Variants in PIK3R2 observed in about 807,000 individuals in gnomAD.
The protein encoded by PIK3R2 is phosphoinositide-3-kinase regulatory subunit 2.
Under a neutral mutation model 78.5 loss-of-function variants are expected in PIK3R2, and 40 were observed. The observed-to-expected ratio is 0.51, with a 90% CI of 0.40 to 0.66. The LOEUF is 0.66. Among genes scored for constraint, PIK3R2 ranks in the 30% least tolerant of loss-of-function variants. The pLI is 0.00. For synonymous variants in PIK3R2, 473 were observed against 457.7 expected, an observed-to-expected ratio of 1.03 and a Z score of -0.43; for missense variants, 880 against 1,026.6, an observed-to-expected ratio of 0.86 and a Z score of 1.95.
chr19:18,165,175 C>A (rs1317833661), intron 11 of PIK3R2, among the ~76,000 whole-genome samples: 1 of 150,384 alleles, frequency 6.6e-6, no homozygotes, highest in Admixed American at 6.6e-5. Flanking sequence ...CAAGACCAGT[C>A]TGGCCAACAT....
Position 18,160,944 on chromosome 19 carries a change from C to A in PIK3R2, c.441C>A (p.Arg147=), listed in dbSNP as rs1485843999. ...GGCTGGACAGCGAATCTCACTACCGCCCGGAGCTGCCCGCACCGCGTACAG... is the reference window on the plus strand; with the variant it reads ...GGCTGGACAGCGAATCTCACTACCGACCGGAGCTGCCCGCACCGCGTACAG... The part of the protein sequence containing the change: ...RTGLDSESHY[R]PELPAPRTDW... Residue 147 remains arginine, a synonymous_variant, in exon 4 of 16, where the codon CGC becomes CGA. Coordinates refer to ENST00000222254, the MANE Select transcript of PIK3R2 (RefSeq NM_005027.4). 1 of 1,611,834 alleles carries A rather than the reference C, an allele frequency of 6.2e-7. No individual in the cohort carries two copies. The highest frequency in any genetic ancestry group is 2.2e-5 in the East Asian group (1 of 44,842).
chr19:18,168,721 C>T lies in PIK3R2; in HGVS notation c.1809-5C>T. The T allele has an allele frequency of 6.2e-7, 1 of 1,611,784 alleles. No homozygotes were observed. The highest frequency in any genetic ancestry group is 1.1e-5 in the South Asian group (1 of 91,022). On this transcript the variant is annotated splice_region_variant and splice_polypyrimidine_tract_variant and intron_variant, in intron 14 of 15. Coordinates refer to ENST00000222254, the MANE Select transcript of PIK3R2 (RefSeq NM_005027.4). The surrounding 1 kb of genome is among the most constrained non-coding windows in gnomAD (Gnocchi z 4.1). ...GGCCCTCCCCGCCACCGCCCCCCACCCCAGCCAGTACGCACTCATGGAGGA... is the reference window on the plus strand; with the variant it reads ...GGCCCTCCCCGCCACCGCCCCCCACTCCAGCCAGTACGCACTCATGGAGGA...
chr19:18,153,203 C>A lies in PIK3R2; in HGVS notation c.-515C>A. 6.5e-6 allele frequency: 1 copy of A among 153,896 alleles called. No individual in the cohort carries two copies. The highest frequency in any genetic ancestry group is 1.8e-4 in the South Asian group (1 of 5,622). 9.5% of individuals were successfully genotyped at this position (153,896 alleles called of 1,614,324 possible). ...GTGGCGGCGGCGGAGGCGGGGATCC[C>A]GCGGCTGCGGCGACGGTGGCCGCGG... On this transcript the variant is annotated 5_prime_UTR_variant, in exon 1 of 16. Coordinates refer to ENST00000222254, the MANE Select transcript of PIK3R2 (RefSeq NM_005027.4).
chr19:18,165,013 A>T (rs906886833), intron 11 of PIK3R2, among the ~76,000 whole-genome samples: 1 of 148,410 alleles, frequency 6.7e-6, no homozygotes, highest in East Asian at 2.0e-4. Flanking sequence ...AGATCATCTG[A>T]GGTCAGGAGT....
chr19:18,159,986 A>G (rs1401987062), intron 2 of PIK3R2, among the ~76,000 whole-genome samples: 1 of 152,098 alleles, frequency 6.6e-6, no homozygotes, highest in Non-Finnish European at 1.5e-5. Context: ...TGATCCACCC[A>G]CCTCGGTCTC....
At chr19:18,162,754 G>A in intron 9 of PIK3R2, 1 of 604,160 alleles carries the variant, frequency 1.7e-6, no homozygotes, top group East Asian at 2.8e-5. Context: ...GCCAGGCATG[G>A]TGATGGATGC....
At chr19:18,165,281 C>G (rs1354142967) in intron 11 of PIK3R2, among the ~76,000 whole-genome samples, 3 of 144,056 alleles carry the variant, frequency 2.1e-5, no homozygotes, top group Non-Finnish European at 3.0e-5. Context: ...AGGAGAATAG[C>G]TTGAACCTGA....
Position 18,155,661 on chromosome 19 carries a change from C to T in PIK3R2, c.-219C>T, listed in dbSNP as rs575120120. The T allele has an allele frequency of 1.1e-4, 60 of 544,840 alleles. No homozygotes were observed. Among genetic ancestry groups the T allele is most frequent in the African/African-American group, 8.4e-4 (42 of 49,794 alleles). 33.8% of individuals were successfully genotyped at this position (544,840 alleles called of 1,614,324 possible). ...CCACCAACTCCCTCCCACCAGCTGA[C>T]GAATGGTGGACCCAGTGACGAGTGG... On this transcript the variant is annotated 5_prime_UTR_variant, in exon 2 of 16. It adds an upstream start codon to the 5' untranslated region. Transcript: ENST00000222254.
rs2043818322 is a variant in PIK3R2 at position 18,167,185 on chromosome 19, C to T, written c.1615C>T (p.Arg539Cys). 1 of 1,610,774 alleles carries T rather than the reference C, an allele frequency of 6.2e-7. No homozygotes were observed. Among genetic ancestry groups the T allele is most frequent in the Non-Finnish European group, 8.5e-7 (1 of 1,178,630 alleles). The change falls in exon 13 of 16, where the codon CGC becomes TGC. Residue 539 changes from arginine (R) to cysteine (C), a missense_variant. Physicochemically the swap from Arg to Cys is radical, Grantham distance 180. Transcript: ENST00000222254. The surrounding 1 kb of genome is among the most constrained non-coding windows in gnomAD (Gnocchi z 4.5). ...KSRIAEIHES[R>C]TKLEQQLRAQ... is the part of the protein sequence containing the mutation. ...CCGCATTGCCGAGATCCATGAGAGCCGCACGAAGCTGGAGCAGCAGCTGCG... is the reference window on the plus strand; with the variant it reads ...CCGCATTGCCGAGATCCATGAGAGCTGCACGAAGCTGGAGCAGCAGCTGCG...
Position 18,167,334 on chromosome 19 carries a change from G to A in PIK3R2, c.1736+28G>A, listed in dbSNP as rs201419412. On this transcript the variant is annotated intron_variant, in intron 13 of 15. Coordinates refer to ENST00000222254, the MANE Select transcript of PIK3R2 (RefSeq NM_005027.4). This position sits in a 1 kb window ranked among gnomAD's most constrained non-coding sequence, Gnocchi z 4.5. ...AAGTGGCGGCTCCATACTTCCCTGC[G>A]GCTCCCTGGCGACTGCTGCGGCACA... 7.2e-5 allele frequency: 109 copies of A among 1,520,950 alleles called. 1 individual carries two copies. In the East Asian group the frequency reaches 1.7e-3, roughly 24 times the overall value. 94.2% of individuals were successfully genotyped at this position (1,520,950 alleles called of 1,614,324 possible).
At chr19:18,154,575 A>G (rs1257224232) in intron 1 of PIK3R2, among the ~76,000 whole-genome samples, 1 of 151,986 alleles carries the variant, frequency 6.6e-6, no homozygotes, top group Non-Finnish European at 1.5e-5. Flanking sequence ...TGACCCCTCT[A>G]TGGAGCTCCC....
chr19:18,167,066 T>C lies in PIK3R2; in HGVS notation c.1560-64T>C. 1 of 1,405,658 alleles carries C rather than the reference T, an allele frequency of 7.1e-7. No homozygotes were observed. Among genetic ancestry groups the C allele is most frequent in the East Asian group, 2.8e-5 (1 of 36,238 alleles). 87.1% of individuals were successfully genotyped at this position (1,405,658 alleles called of 1,614,324 possible). On this transcript the variant is annotated intron_variant, in intron 12 of 15. Coordinates refer to ENST00000222254, the MANE Select transcript of PIK3R2 (RefSeq NM_005027.4). This position sits in a 1 kb window ranked among gnomAD's most constrained non-coding sequence, Gnocchi z 4.5. Reference sequence around the variant, plus strand: ...TAGGAGGGTCACCTGAGCCCAGGAGTTTGAGGGTGCAGTGAGCCGAGATAA... The same window carrying C: ...TAGGAGGGTCACCTGAGCCCAGGAGCTTGAGGGTGCAGTGAGCCGAGATAA...
At position 18,162,237 on chromosome 19, in the gene PIK3R2, T is replaced by C. The variant is rs1011320; in HGVS notation, c.937T>C (p.Ser313Pro). ...PPKPPKAKPA[S>P]TVLANGGSPP... is the part of the protein sequence containing the mutation. ...TAAACCCCCCAAGGCAAAGCCGGCC[T>C]CCACAGTCCTGGCCAATGGAGGGAG... The change falls in exon 8 of 16, where the codon TCC (serine) becomes CCC (proline). Residue 313 changes from serine to proline, a missense_variant. Physicochemically the swap from Ser to Pro is moderately conservative, Grantham distance 74. Transcript: ENST00000222254. 0.95 allele frequency: 1,521,285 copies of C among 1,601,454 alleles called. 722,944 individuals carry two copies. Among genetic ancestry groups the C allele is most frequent in the Admixed American group, 0.97 (57,965 of 59,830 alleles).
intron 11 of PIK3R2, among the ~76,000 whole-genome samples, chr19:18,163,958 C>T (rs925742571): frequency 1.3e-5 from 2 of 151,944 alleles, no homozygotes; most frequent in African/African-American, 4.8e-5. Context: ...GAAACCCTGT[C>T]TCTACTAAAA....
At chr19:18,154,644 C>G (rs1286405966) in intron 1 of PIK3R2, among the ~76,000 whole-genome samples, 1 of 152,138 alleles carries the variant, frequency 6.6e-6, no homozygotes, top group Admixed American at 6.6e-5. Flanking sequence ...GGCCACCTGG[C>G]TGCTGCCCCC....
At chr19:18,160,814 T>G in intron 3 of PIK3R2, 105 bp from the exon 4 acceptor site, 1 of 1,333,534 alleles carries the variant, frequency 7.5e-7, no homozygotes. Flanking sequence ...TGCCCTTATC[T>G]CTGGGCAGCA....
Position 18,161,464 on chromosome 19 carries a change from T to C in PIK3R2, c.784T>C (p.Ser262Pro), listed in dbSNP as rs2043745503. ...PLLLRAPPPP[S>P]SPPPGGAPDG... ...GCTGCTGCGCGCGCCGCCGCCGCCG[T>C]CCTCGCCGCCGCCAGGGGGCGCTCC... Residue 262 changes from serine (S) to proline (P), a missense_variant, in exon 6 of 16, where the codon TCC (serine) becomes CCC (proline). By Grantham distance (74) the Ser-to-Pro change is moderately conservative. Around this residue, in one of 3 missense-constraint regions of PIK3R2, gnomAD observed 456 missense variants for 486.6 expected, o/e 0.94. Transcript: ENST00000222254. The surrounding 1 kb of genome is among the most constrained non-coding windows in gnomAD (Gnocchi z 5.3). 2 of 1,186,354 alleles carry C rather than the reference T, an allele frequency of 1.7e-6. No homozygotes were observed. The highest frequency in any genetic ancestry group is 3.6e-5 in the East Asian group (1 of 27,750). The allele number at this position is 1,186,354 out of a possible 1,614,324, so 73.5% of individuals were successfully genotyped here.
Position 18,155,831 on chromosome 19 carries a change from G to A in PIK3R2, c.-49G>A. On this transcript the variant is annotated 5_prime_UTR_variant, in exon 2 of 16. Coordinates refer to ENST00000222254, the MANE Select transcript of PIK3R2 (RefSeq NM_005027.4). Reference sequence around the variant, plus strand: ...TGCTTCAACCAATGGGGCCAGTGGGGCTCCAAGCAGCCACCTAACCATCCA... The same window carrying A: ...TGCTTCAACCAATGGGGCCAGTGGGACTCCAAGCAGCCACCTAACCATCCA... 1 of 1,479,184 alleles carries A rather than the reference G, an allele frequency of 6.8e-7. No homozygotes were observed. Among genetic ancestry groups the A allele is most frequent in the South Asian group, 1.3e-5 (1 of 75,732 alleles). The allele number at this position is 1,479,184 out of a possible 1,614,324, so 91.6% of individuals were successfully genotyped here. A position where few individuals can be genotyped will look rare whatever the true frequency, so the allele number is the denominator to read the frequency against.
chr19:18,164,984 T>C (rs2043793377), intron 11 of PIK3R2, among the ~76,000 whole-genome samples: 2 of 150,216 alleles, frequency 1.3e-5, no homozygotes, highest in Non-Finnish European at 3.0e-5. Flanking sequence ...TCCCAGCACT[T>C]TGGGAGGCCG....
Sources: allele counts gnomAD v4.1 joint callset (sites outside exome capture counted in the v4.1 genomes callset), GRCh38; gene constraint gnomAD v4.1.1; regional missense constraint gnomAD v4.1.1; non-coding constraint Gnocchi (gnomAD v3.1); transcripts MANE v1.5; gene names NCBI Gene and HGNC (gene_info 2026-07-23, HGNC 2026-07-21).